Variants in ESR1 observed in about 807,000 individuals in gnomAD.
ESR1 encodes the protein estrogen receptor 1, also known as estrogen receptor.
Under a neutral mutation model 52.7 loss-of-function variants are expected in ESR1, and 12 were observed. That is an observed-to-expected ratio of 0.23 (90% CI 0.15 to 0.37). The LOEUF is 0.37. Among genes scored for constraint, ESR1 ranks in the 10% least tolerant of loss-of-function variants. The pLI is 1.00. For missense variants in ESR1, 584 were observed against 779.7 expected, an observed-to-expected ratio of 0.75 and a Z score of 2.99; for synonymous variants, 305 against 316.8, an observed-to-expected ratio of 0.96 and a Z score of 0.39.
downstream of ESR1, among the ~76,000 whole-genome samples, chr6:152,106,624 T>G (rs546171228): frequency 6.6e-6 from 1 of 152,314 alleles, no homozygotes; most frequent in African/African-American, 2.4e-5. Context: ...GGTGTTGCTC[T>G]CTCACCCAGG....
rs150939756 is a variant in ESR1 at position 152,084,168 on chromosome 6, G to A, written c.1370-10217G>A. On this transcript the variant is annotated intron_variant, in intron 6 of 7. Coordinates refer to ENST00000206249, the MANE Select transcript of ESR1 (RefSeq NM_000125.4). ...ACCATCATTCTAAGCAAACTATCAT[G>A]AGGACATAAAACCAAACACTGCATA... is the stretch of plus-strand genomic sequence containing the variant. Among the ~76,000 whole-genome samples, 966 of 151,756 alleles carry A rather than the reference G, an allele frequency of 6.4e-3. 38 individuals are homozygous for A. Among genetic ancestry groups the A allele is most frequent in the Non-Finnish European group, 1.7e-3 (113 of 67,978 alleles).
rs563558336 is a variant in ESR1, at chr6:152,030,996, G to A, written c.1235+19202G>A. Among the ~76,000 whole-genome samples the A allele has an allele frequency of 7.7e-3, 1,174 of 152,114 alleles. 10 individuals carry two copies. Among genetic ancestry groups the A allele is most frequent in the Middle Eastern group, 0.024 (7 of 294 alleles). On this transcript the variant is annotated intron_variant, in intron 5 of 7. Transcript: ENST00000206249. ...AGGATTAAGAAACTCACTCAAAACC[G>A]CTCAACTACATGGAAACTGAACAAC...
chr6:151,943,427 G>A (rs975716395), intron 3 of ESR1, among the ~76,000 whole-genome samples: 2 of 151,606 alleles, frequency 1.3e-5, no homozygotes, highest in African/African-American at 4.9e-5. Flanking sequence ...CCACCTTTGG[G>A]GGGAAATTAT....
intron 1 of ESR1, among the ~76,000 whole-genome samples, chr6:151,692,390 C>T (rs761968831): frequency 2.6e-5 from 4 of 152,184 alleles, no homozygotes; most frequent in East Asian, 1.9e-4. Context: ...CTTGGGCTGA[C>T]GGCCTGGTGG....
chr6:152,091,900 G>T (rs944491435), intron 6 of ESR1, among the ~76,000 whole-genome samples: 1 of 152,192 alleles, frequency 6.6e-6, no homozygotes, highest in Non-Finnish European at 1.5e-5. Context: ...AAGGAAATTG[G>T]TAGAAAGTAC....
rs568043337 is a variant in ESR1, at chr6:152,098,075, A to G, written c.1554-657A>G. Among the ~76,000 whole-genome samples, 1 of 152,196 alleles carries G rather than the reference A, an allele frequency of 6.6e-6. No homozygotes were observed. The highest frequency in any genetic ancestry group is 1.9e-4 in the East Asian group (1 of 5,156). ...TTCATCCCAGCAAGTAGGAACAGCA[A>G]GTGTAGGTCCCCTAAGTCTTGGGGG... On this transcript the variant is annotated intron_variant, in intron 7 of 7. Transcript: ENST00000206249. This position sits in a 1 kb window ranked among gnomAD's most constrained non-coding sequence, Gnocchi z 5.1.
Position 152,093,775 on chromosome 6 carries a change from T to TA in ESR1, c.1370-606dup, listed in dbSNP as rs564860844. Among the ~76,000 whole-genome samples the TA allele has an allele frequency of 2.1e-4, 32 of 152,326 alleles. 1 individual carries two copies. In the South Asian group the frequency reaches 6.6e-3, roughly 32 times the overall value. ...AAGTGCTTAGACTTCAAACTTGATC[T>TA]AAAACAGAAATCCTACCTGGAAAAA... On this transcript the variant is annotated intron_variant, in intron 6 of 7. Coordinates refer to ENST00000206249, the MANE Select transcript of ESR1 (RefSeq NM_000125.4).
At chr6:152,019,710 A>G (rs1030965905) in intron 5 of ESR1, among the ~76,000 whole-genome samples, 1 of 152,206 alleles carries the variant, frequency 6.6e-6, no homozygotes, top group African/African-American at 2.4e-5. Flanking sequence ...TAAGTTACAT[A>G]TACTATGCAG....
chr6:151,731,118 C>A (rs1181651147), intron 2 of ESR1, among the ~76,000 whole-genome samples: 1 of 151,990 alleles, frequency 6.6e-6, no homozygotes, highest in Non-Finnish European at 1.5e-5. Flanking sequence ...CTTTGGGAGG[C>A]CGAGATGGGT....
rs188094412 is a variant in ESR1, at chr6:151,836,631, T to G, written c.453-5966T>G. Among the ~76,000 whole-genome samples the G allele has an allele frequency of 2.5e-3, 384 of 152,304 alleles. 3 individuals are homozygous for G. The highest frequency in any genetic ancestry group is 8.9e-3 in the African/African-American group (370 of 41,560). On this transcript the variant is annotated intron_variant, in intron 1 of 7. Transcript: ENST00000206249. ...GAGCAAATGAGACATGATTCTTGCC[T>G]TCTTGGAGTTTACTGTTTACTAGGG... is the stretch of plus-strand genomic sequence containing the variant.
chr6:151,990,457 G>A (rs1388096675), intron 4 of ESR1, among the ~76,000 whole-genome samples: 1 of 152,022 alleles, frequency 6.6e-6, no homozygotes, highest in Non-Finnish European at 1.5e-5. Context: ...TCCTTCTGTG[G>A]CTGTGTAATC....
chr6:151,827,553 G>A (rs1781717965), intron 1 of ESR1, among the ~76,000 whole-genome samples: 1 of 152,046 alleles, frequency 6.6e-6, no homozygotes, highest in African/African-American at 2.4e-5. Flanking sequence ...AGAGCATAAC[G>A]ATCCTTCATG....
At chr6:151,667,446 G>A (rs1777871083) in intron 1 of ESR1, among the ~76,000 whole-genome samples, 1 of 152,128 alleles carries the variant, frequency 6.6e-6, no homozygotes, top group Admixed American at 6.5e-5. Context: ...CCAGACTTCA[G>A]GATCCCCATT....
At chr6:152,042,576 C>A (rs1365750182) in intron 5 of ESR1, among the ~76,000 whole-genome samples, 1 of 152,170 alleles carries the variant, frequency 6.6e-6, no homozygotes, top group African/African-American at 2.4e-5. Context: ...GGTCCTTCCT[C>A]AAGGGGACCC....
chr6:151,728,356 C>T (rs1781996904), intron 2 of ESR1, among the ~76,000 whole-genome samples: 1 of 152,206 alleles, frequency 6.6e-6, no homozygotes, highest in African/African-American at 2.4e-5. Flanking sequence ...TTCACTCTGA[C>T]ATCCTGTAAA....
At chr6:152,048,813 G>A (rs370729890) in intron 5 of ESR1, among the ~76,000 whole-genome samples, 34 of 152,334 alleles carry the variant, frequency 2.2e-4, no homozygotes, top group African/African-American at 7.9e-4. Context: ...AGAAACAATG[G>A]TCAGTGTATC....
intron 1 of ESR1, among the ~76,000 whole-genome samples, chr6:151,837,970 TA>T (rs1178523839): frequency 2.0e-5 from 3 of 152,070 alleles, no homozygotes; most frequent in African/African-American, 7.2e-5. Flanking sequence ...AGAAGGAAAA[TA>T]AGAGTCTTTT....
Position 151,868,213 on chromosome 6 carries a change from C to T in ESR1, c.644-12442C>T, listed in dbSNP as rs113937891. ...CTTGATCTCGGCTCAATGCAACCTCCGCCTCCCAGATTCCAGCAATTCTCC... is the reference window on the plus strand; with the variant it reads ...CTTGATCTCGGCTCAATGCAACCTCTGCCTCCCAGATTCCAGCAATTCTCC... On this transcript the variant is annotated intron_variant, in intron 2 of 7. Coordinates refer to ENST00000206249, the MANE Select transcript of ESR1 (RefSeq NM_000125.4). Among the ~76,000 whole-genome samples the T allele has an allele frequency of 7.7e-3, 1,174 of 152,140 alleles. 10 individuals carry two copies. Among genetic ancestry groups the T allele is most frequent in the African/African-American group, 0.027 (1,114 of 41,498 alleles).
intron 3 of ESR1, 83 bp from the exon 4 acceptor site, chr6:151,944,090 G>T: frequency 8.6e-7 from 1 of 1,168,078 alleles, no homozygotes; most frequent in Admixed American, 1.9e-5. Flanking sequence ...TAAAATGAAA[G>T]CTGGTTAGCT....
Sources: allele counts gnomAD v4.1 joint callset (sites outside exome capture counted in the v4.1 genomes callset), GRCh38; gene constraint gnomAD v4.1.1; non-coding constraint Gnocchi (gnomAD v3.1); transcripts MANE v1.5; gene names NCBI Gene and HGNC (gene_info 2026-07-23, HGNC 2026-07-21).